SART3: variants seen among roughly 807,000 people sequenced by gnomAD.
The protein encoded by SART3 is spliceosome associated factor 3, U4/U6 recycling protein.
In SART3, 44 loss-of-function variants were observed where a neutral mutation model predicts 122.3. The observed-to-expected ratio is 0.36, with a 90% confidence interval of 0.28 to 0.46. SART3 has a LOEUF of 0.46. Ranked by LOEUF, SART3 falls within the 20% of genes least tolerant of loss-of-function variation. The pLI is 1.00. For missense variants in SART3, 1,101 were observed against 1,229.0 expected (o/e 0.90, Z 1.56); for synonymous variants, 442 against 454.0 (o/e 0.97, Z 0.34).
intron 15 of SART3, among the ~76,000 whole-genome samples, chr12:108,529,239 G>A (rs1593234172): frequency 6.6e-6 from 1 of 152,212 alleles, no homozygotes; most frequent in African/African-American, 2.4e-5. Context: ...ATGACTTTCA[G>A]TATATACAAA....
chr12:108,524,474 G>A lies in SART3; in HGVS notation c.2556C>T (p.Ser852=). The A allele has an allele frequency of 6.2e-7, 1 of 1,614,144 alleles. No homozygotes were observed. The highest frequency in any genetic ancestry group is 8.5e-7 in the Non-Finnish European group (1 of 1,180,032). ...TCTTCATCACAGCCTGCGACGCCTGGGATTCATTTTCATACTCCACGTAGG... is the reference window on the plus strand; with the variant it reads ...TCTTCATCACAGCCTGCGACGCCTGAGATTCATTTTCATACTCCACGTAGG... The part of the protein sequence containing the change: ...GLAYVEYENE[S]QASQAVMKMD... Residue 852 remains serine (S), a synonymous_variant, in exon 18 of 19, where the codon TCC becomes TCT. Transcript: ENST00000546815.
chr12:108,535,521 C>G, intron 11 of SART3, 53 bp from the exon 12 acceptor site: 5 of 1,375,334 alleles, frequency 3.6e-6, no homozygotes, highest in Non-Finnish European at 3.1e-6. Context: ...ACGTCGACAC[C>G]CATCATACAA....
intron 15 of SART3, 81 bp downstream of exon 15, chr12:108,530,061 G>T: frequency 6.6e-7 from 1 of 1,506,526 alleles, no homozygotes; most frequent in Non-Finnish European, 9.2e-7. Flanking sequence ...AACGGTTCAG[G>T]GAAGAAAGTT....
Position 108,531,287 on chromosome 12 carries a change from AG to A in SART3, c.1670-8del. The stretch of plus-strand genomic sequence containing the variant: ...TCCCAATCTTCTAAAGAACCTTGAA[AG>A]AAAGAGAAGCAAAACTTTCACTCTT... On this transcript the variant is annotated splice_region_variant and splice_polypyrimidine_tract_variant and intron_variant, in intron 13 of 18. Transcript: ENST00000546815. 1 of 1,611,316 alleles carries A rather than the reference AG, an allele frequency of 6.2e-7. No individual in the cohort carries two copies. Among genetic ancestry groups the A allele is most frequent in the African/African-American group, 1.3e-5 (1 of 74,998 alleles).
chr12:108,524,596 G>GA, intron 17 of SART3, 90 bp from the exon 18 acceptor site: 3 of 1,214,976 alleles, frequency 2.5e-6, no homozygotes, highest in Non-Finnish European at 3.6e-6. Context: ...CTTCCTCCCG[G>GA]AGACCAGCAG....
intron 16 of SART3, 99 bp from the exon 17 acceptor site, chr12:108,525,708 C>T: frequency 1.6e-6 from 2 of 1,261,868 alleles, no homozygotes; most frequent in South Asian, 2.4e-5. Flanking sequence ...AGCAGCCCAG[C>T]CAGGCAGACT....
chr12:108,559,717 C>T (rs1308765782), intron 1 of SART3, among the ~76,000 whole-genome samples: 13 of 151,538 alleles, frequency 8.6e-5, no homozygotes, highest in Admixed American at 7.9e-4. Flanking sequence ...CTTCTGTTTG[C>T]CCCCTCCAAA....
chr12:108,556,035 T>C (rs1362352806), intron 1 of SART3, among the ~76,000 whole-genome samples: 1 of 151,750 alleles, frequency 6.6e-6, no homozygotes, highest in Non-Finnish European at 1.5e-5. Flanking sequence ...CTGTTTCAGC[T>C]AAAATAAATT....
In SART3 at chr12:108,524,391, T is replaced by C. The variant is rs1364590682; in HGVS notation, c.2639A>G (p.Gln880Arg). ...CTCCGGCTTCTCTGGAACTTTCCTC[T>C]GAGGAGGGTTGCTGATTGCCACTTT... Reference protein sequence around the residue: ...IIKVAISNPPQRKVPEKPETR... With the variant: ...IIKVAISNPPRRKVPEKPETR... The change falls in exon 18 of 19, where the codon CAG (glutamine) becomes CGG (arginine). Residue 880 changes from glutamine (Q) to arginine (R), a missense_variant. Coordinates refer to ENST00000546815, the MANE Select transcript of SART3 (RefSeq NM_014706.4). The C allele has an allele frequency of 1.9e-6, 3 of 1,614,042 alleles. No individual in the cohort carries two copies. The highest frequency in any genetic ancestry group is 2.5e-6 in the Non-Finnish European group (3 of 1,179,982).
intron 15 of SART3, among the ~76,000 whole-genome samples, chr12:108,529,476 G>A (rs1292364067): frequency 6.6e-6 from 1 of 152,192 alleles, no homozygotes; most frequent in African/African-American, 2.4e-5. Flanking sequence ...TGGGTATTGT[G>A]TGCTAGAAGG....
chr12:108,530,053 C>A, intron 15 of SART3, 89 bp downstream of exon 15: 3 of 1,448,744 alleles, frequency 2.1e-6, no homozygotes, highest in South Asian at 1.1e-5. Context: ...AAGCTGGTAA[C>A]GGTTCAGGGA....
intron 5 of SART3, 88 bp from the exon 6 acceptor site, chr12:108,543,240 C>G: frequency 6.7e-7 from 1 of 1,489,620 alleles, no homozygotes; most frequent in South Asian, 1.2e-5. Flanking sequence ...TCAGGTGCCA[C>G]TAGCCCCTCC....
At chr12:108,546,946 A>G (rs1257463379) in intron 3 of SART3, among the ~76,000 whole-genome samples, 1 of 152,150 alleles carries the variant, frequency 6.6e-6, no homozygotes, top group East Asian at 1.9e-4. Context: ...CAGCCTCTTG[A>G]GTAGCTGAGA....
At chr12:108,532,694 G>A (rs189923049) in intron 12 of SART3, 452 of 310,114 alleles carry the variant, frequency 1.5e-3, no homozygotes, top group Non-Finnish European at 2.4e-3. Flanking sequence ...TTACTATGGC[G>A]TCCTACTGAC....
At position 108,545,474 on chromosome 12, in the gene SART3, G is replaced by A. The variant is rs375251353; in HGVS notation, c.545-151C>T. 5 of 723,604 alleles carry A rather than the reference G, an allele frequency of 6.9e-6. No individual in the cohort carries two copies. The African/African-American group carries it at 8.8e-5, about 13-fold the overall frequency. The allele number at this position is 723,604 out of a possible 1,614,324, so 44.8% of individuals were successfully genotyped here. A position where few individuals can be genotyped will look rare whatever the true frequency, so the allele number is the denominator to read the frequency against. On this transcript the variant is annotated intron_variant, in intron 3 of 18. Transcript: ENST00000546815. ...CCTAACAGCAGAGATGACCATAAAG[G>A]ACTAAAAAACATTACAGTCTGGGGA... is the stretch of plus-strand genomic sequence containing the variant.
At chr12:108,540,297 C>A (rs1047672003) in intron 6 of SART3, among the ~76,000 whole-genome samples, 41 of 152,324 alleles carry the variant, frequency 2.7e-4, no homozygotes, top group African/African-American at 9.4e-4. Flanking sequence ...GTCTAGAATT[C>A]TTTTGCTGTT....
At position 108,544,466 on chromosome 12, in the gene SART3, G is replaced by A. The variant is rs1256811751; in HGVS notation, c.742C>T (p.His248Tyr). Residue 248 changes from histidine to tyrosine, a missense_variant, in exon 5 of 19, where the codon CAC becomes TAC. Physicochemically the swap from His to Tyr is moderately conservative, Grantham distance 83. Around this residue, in one of 2 missense-constraint regions of SART3, gnomAD observed 885 missense variants for 1,080.1 expected, o/e 0.82. Coordinates refer to ENST00000546815, the MANE Select transcript of SART3 (RefSeq NM_014706.4). The part of the protein sequence containing the change: ...IVEAARLEKV[H>Y]SLFRRQLAIP... Reference sequence around the variant, plus strand: ...GCCAACTGTCGCCGGAAAAGACTGTGGACTTTCTCAAGCTGTGAATCAAAG... The same window carrying A: ...GCCAACTGTCGCCGGAAAAGACTGTAGACTTTCTCAAGCTGTGAATCAAAG... 6.2e-7 allele frequency: 1 copy of A among 1,614,188 alleles called. No individual in the cohort carries two copies. Among genetic ancestry groups the A allele is most frequent in the Admixed American group, 1.7e-5 (1 of 60,010 alleles).
rs953239046 is a variant in SART3, at chr12:108,530,782, C to T, written c.1746+422G>A. On this transcript the variant is annotated intron_variant, in intron 14 of 18. Coordinates refer to ENST00000546815, the MANE Select transcript of SART3 (RefSeq NM_014706.4). ...CTGAGGCAGAAGAATGGCGTGAACCCGGGAGGCAGAGCTTGCAGTGAGCCG... is the reference window on the plus strand; with the variant it reads ...CTGAGGCAGAAGAATGGCGTGAACCTGGGAGGCAGAGCTTGCAGTGAGCCG... 1.2e-4 allele frequency among the ~76,000 whole-genome samples: 18 copies of T among 151,948 alleles called. No homozygotes were observed. In the East Asian group the frequency reaches 1.7e-3, roughly 15 times the overall value.
chr12:108,536,576 CA>C lies in SART3; in HGVS notation c.1388-5del. On this transcript the variant is annotated splice_region_variant and splice_polypyrimidine_tract_variant and intron_variant, in intron 10 of 18. Transcript: ENST00000546815. ...GGATCACCACTCTCATTGAAACCTT[CA>C]AAAACAGAATTAGTAAAATTAGAAA... 1 of 1,614,090 alleles carries C rather than the reference CA, an allele frequency of 6.2e-7. No individual in the cohort carries two copies.
Sources: allele counts gnomAD v4.1 joint callset (sites outside exome capture counted in the v4.1 genomes callset), GRCh38; gene constraint gnomAD v4.1.1; regional missense constraint gnomAD v4.1.1; transcripts MANE v1.5; gene names NCBI Gene and HGNC (gene_info 2026-07-23, HGNC 2026-07-21).